CAPN13: variants seen among roughly 807,000 people sequenced by gnomAD.
CAPN13 encodes calpain 13.
A neutral mutation model predicts 98.4 loss-of-function variants in CAPN13; 90 were observed. The ratio of observed to expected loss-of-function variants is 0.92; its 90% confidence interval spans 0.77 to 1.09. CAPN13 has a LOEUF of 1.09. CAPN13 is among the 50% of genes least tolerant of loss of function. The pLI is 0.00. For synonymous variants in CAPN13, 330 were observed against 305.5 expected (o/e 1.08, Z -0.84); for missense variants, 887 against 841.3 (o/e 1.05, Z -0.67).
chr2:30,803,171 T>C (rs1210641619), intron 1 of CAPN13, among the ~76,000 whole-genome samples: 1 of 152,106 alleles, frequency 6.6e-6, no homozygotes, highest in African/African-American at 2.4e-5. Flanking sequence ...TGGTTAAGGA[T>C]TAGAGTGGGG....
intron 6 of CAPN13, 123 bp downstream of exon 6, chr2:30,764,009 C>T (rs1019656163): frequency 3.6e-5 from 35 of 959,072 alleles, no homozygotes; most frequent in Middle Eastern, 2.7e-4. Context: ...GGGTAAAGCA[C>T]GCTATCAGTG....
intron 1 of CAPN13, among the ~76,000 whole-genome samples, chr2:30,799,800 G>A (rs946315952): frequency 1.3e-5 from 2 of 152,126 alleles, no homozygotes; most frequent in African/African-American, 2.4e-5. Context: ...AGGGCCAGGC[G>A]CAGTGGTTCA....
At chr2:30,762,127 G>A (rs957022155) in intron 7 of CAPN13, among the ~76,000 whole-genome samples, 10 of 152,176 alleles carry the variant, frequency 6.6e-5, no homozygotes, top group South Asian at 2.1e-4. Context: ...AAATGTAGAC[G>A]GACACTAAAG....
chr2:30,807,100 C>T (rs1446442607), intron 1 of CAPN13, among the ~76,000 whole-genome samples: 1 of 152,170 alleles, frequency 6.6e-6, no homozygotes, highest in Non-Finnish European at 1.5e-5. Flanking sequence ...TTAACTCCCA[C>T]TTTGCCCTAG....
At chr2:30,723,621 A>G (rs1670763894) in intron 22 of CAPN13, among the ~76,000 whole-genome samples, 1 of 152,136 alleles carries the variant, frequency 6.6e-6, no homozygotes, top group South Asian at 2.1e-4. Flanking sequence ...CTATAGTAAC[A>G]ACAGCCCTGA....
At chr2:30,762,801 A>G (rs929773188) in intron 7 of CAPN13, among the ~76,000 whole-genome samples, 1 of 152,220 alleles carries the variant, frequency 6.6e-6, no homozygotes, top group Admixed American at 6.5e-5. Context: ...CTTTGGGGCT[A>G]ATCTCCCAGT....
rs76228230 is a variant in CAPN13, at chr2:30,730,402, A to T, written c.*30+328T>A. On this transcript the variant is annotated intron_variant, in intron 22 of 22. Coordinates refer to ENST00000295055, the MANE Select transcript of CAPN13 (RefSeq NM_144575.3). ...TCTACCATTTCTGTTGCTCTACACC[A>T]TTCCATTTCCACCATTTCTCTTGCC... Among the ~76,000 whole-genome samples, 964 of 152,264 alleles carry T rather than the reference A, an allele frequency of 6.3e-3. 9 individuals are homozygous for T. The highest frequency in any genetic ancestry group is 0.022 in the African/African-American group (921 of 41,546).
chr2:30,758,792 T>A (rs376807571), intron 7 of CAPN13, among the ~76,000 whole-genome samples: 1 of 81,748 alleles, frequency 1.2e-5, no homozygotes. Flanking sequence ...CTCCCTTTCC[T>A]TTCCTTCCTC....
At chr2:30,725,037 A>T in intron 22 of CAPN13, among the ~76,000 whole-genome samples, 1 of 152,182 alleles carries the variant, frequency 6.6e-6, no homozygotes, top group Non-Finnish European at 1.5e-5. Flanking sequence ...ATAAATGACA[A>T]TTTTGTTAGA....
intron 1 of CAPN13, 126 bp downstream of exon 1, chr2:30,807,176 A>G (rs1208418592): frequency 1.3e-5 from 2 of 152,194 alleles, no homozygotes; most frequent in East Asian, 1.9e-4. Context: ...GCTACTGAAT[A>G]TGTACCTTGG....
At chr2:30,737,731 G>C (rs1044421814) in intron 17 of CAPN13, 1 of 159,682 alleles carries the variant, frequency 6.3e-6, no homozygotes, top group African/African-American at 2.4e-5. Flanking sequence ...CCTCCAGTGG[G>C]AAGTGAATGG....
rs1672996813 is a variant in CAPN13 at position 30,764,235 on chromosome 2, A to G, written c.596T>C (p.Val199Ala). 6 of 1,613,296 alleles carry G rather than the reference A, an allele frequency of 3.7e-6. No homozygotes were observed. The highest frequency in any genetic ancestry group is 1.1e-5 in the South Asian group (1 of 90,804). The change falls in exon 6 of 23, where the codon GTG becomes GCG. Residue 199 changes from valine to alanine, a missense_variant. Physicochemically the swap from Val to Ala is moderately conservative, Grantham distance 64. Coordinates refer to ENST00000295055, the MANE Select transcript of CAPN13 (RefSeq NM_144575.3). Reference sequence around the variant, plus strand: ...AGAGTGCAGATGGATGTTGGTGATCACGCCTCCTGTGAGGTCCACCAGGGC... The same window carrying G: ...AGAGTGCAGATGGATGTTGGTGATCGCGCCTCCTGTGAGGTCCACCAGGGC... ...EDALVDLTGG[V>A]ITNIHLHSSP...
chr2:30,736,557 C>G lies in CAPN13; in HGVS notation c.1668G>C (p.Gly556=), dbSNP rs1671376212. The G allele has an allele frequency of 6.2e-7, 1 of 1,613,902 alleles. No individual in the cohort carries two copies. The highest frequency in any genetic ancestry group is 8.5e-7 in the Non-Finnish European group (1 of 1,179,908). The change falls in exon 18 of 23, where the codon GGG becomes GGC. Residue 556 remains glycine, a synonymous_variant. Transcript: ENST00000295055. Reference sequence around the variant, plus strand: ...GCGCAAACTCCTCTTGGTCTAGCCGCCCATTCACTTTCAGCTGGGTAAGGA... The same window carrying G: ...GCGCAAACTCCTCTTGGTCTAGCCGGCCATTCACTTTCAGCTGGGTAAGGA... The part of the protein sequence containing the change: ...LVALMELKVN[G]RLDQEEFARL...
At chr2:30,782,154 C>T (rs1230614952) in intron 2 of CAPN13, among the ~76,000 whole-genome samples, 1 of 152,212 alleles carries the variant, frequency 6.6e-6, no homozygotes, top group Non-Finnish European at 1.5e-5. Context: ...CCCTAATCGT[C>T]TCCAGAGGTA....
chr2:30,794,015 G>C (rs1433893734), intron 1 of CAPN13, among the ~76,000 whole-genome samples: 2 of 151,514 alleles, frequency 1.3e-5, no homozygotes, highest in African/African-American at 4.8e-5. Context: ...AGGTAAATGT[G>C]TTTTTGATAG....
At chr2:30,729,365 C>T (rs1317898952) in intron 22 of CAPN13, among the ~76,000 whole-genome samples, 2 of 152,182 alleles carry the variant, frequency 1.3e-5, no homozygotes, top group Admixed American at 6.5e-5. Flanking sequence ...CCTTCTGACA[C>T]ATTGTTTAAA....
chr2:30,759,896 C>T (rs747876600), intron 7 of CAPN13, among the ~76,000 whole-genome samples: 46 of 152,196 alleles, frequency 3.0e-4, no homozygotes, highest in Non-Finnish European at 4.7e-4. Context: ...CGCACAGTCA[C>T]ACATGGGCCC....
rs1670747283 is a variant in CAPN13 at position 30,723,091 on chromosome 2, A to C, written c.*176T>G. On this transcript the variant is annotated 3_prime_UTR_variant, in exon 23 of 23. Transcript: ENST00000295055. ...CCACAGGCTTAACTGGGCCTGGGCC[A>C]GCCAAGGACCGAACCCAGGCTGTTG... The C allele has an allele frequency of 6.6e-6, 1 of 152,298 alleles. No homozygotes were observed. Among genetic ancestry groups the C allele is most frequent in the Non-Finnish European group, 1.5e-5 (1 of 68,098 alleles). The allele number at this position is 152,298 out of a possible 1,614,324, so 9.4% of individuals were successfully genotyped here. A position where few individuals can be genotyped will look rare whatever the true frequency, so the allele number is the denominator to read the frequency against.
intron 10 of CAPN13, 96 bp from the exon 11 acceptor site, chr2:30,751,347 G>A: frequency 7.4e-7 from 1 of 1,360,324 alleles, no homozygotes; most frequent in Non-Finnish European, 1.0e-6. Context: ...GGGTTGTGTT[G>A]TGAACTCTGG....
Sources: gnomAD v4.1 joint callset for allele counts (sites outside exome capture counted in the v4.1 genomes callset) on GRCh38, gnomAD v4.1.1 for gene constraint, MANE v1.5 for transcripts, NCBI Gene and HGNC (gene_info 2026-07-23, HGNC 2026-07-21) for gene names.